KLK12: variants seen among roughly 807,000 people sequenced by gnomAD.
KLK12 encodes kallikrein related peptidase 12.
In KLK12, 23 loss-of-function variants were observed where a neutral mutation model predicts 20.0. That is an observed-to-expected ratio of 1.15 (90% confidence interval 0.83 to 1.63). The LOEUF (loss-of-function observed/expected upper bound fraction) is 1.63, where lower values mean the gene tolerates loss of function less well. Among genes scored for constraint, KLK12 ranks in the 40% most tolerant of loss-of-function variants. The pLI is 0.00. For missense variants in KLK12, 351 were observed against 338.6 expected, an observed-to-expected ratio of 1.04 and a Z score of -0.29; for synonymous variants, 147 against 141.9, an observed-to-expected ratio of 1.04 and a Z score of -0.25.
intron 3 of KLK12, 51 bp from the exon 4 acceptor site, chr19:51,032,186 G>C: frequency 6.6e-7 from 1 of 1,508,366 alleles, no homozygotes. Context: ...CCCCCACCTT[G>C]CACCCCTCCA....
In KLK12 at chr19:51,030,872, A is replaced by G. The variant is rs773089754; in HGVS notation, c.507T>C (p.His169=). The change falls in exon 5 of 6, where the codon CAT becomes CAC. Residue 169 remains histidine (H), a synonymous_variant. Coordinates refer to ENST00000684732, the MANE Select transcript of KLK12 (RefSeq NM_001370125.1). ...LQCLNLSIVS[H]ATCHGVYPGR... is the part of the protein sequence containing the mutation. The stretch of plus-strand genomic sequence containing the variant: ...CGGGATACACACCATGGCAGGTGGC[A>G]TGGGAGACGATGGAGAGGTTGAGGC... The G allele has an allele frequency of 6.2e-6, 10 of 1,614,172 alleles. No individual in the cohort carries two copies. The Admixed American group carries it at 8.3e-5, about 13-fold the overall frequency.
rs140418323 is a variant in KLK12 at position 51,032,012 on chromosome 19, G to T, written c.321C>A (p.His107Gln). 7 of 1,612,390 alleles carry T rather than the reference G, an allele frequency of 4.3e-6. No homozygotes were observed. In the South Asian group the frequency reaches 4.4e-5, roughly 10 times the overall value. ...GYLGASTSHEHDLRLLRLRLP... is the reference protein window; with the variant it reads ...GYLGASTSHEQDLRLLRLRLP... ...GGCGCAGCCGCAGCAGCCGGAGGTC[G>T]TGCTCGTGGCTCGTCGAGGCTCCCA... Residue 107 changes from histidine to glutamine, a missense_variant, in exon 4 of 6, where the codon CAC becomes CAA. Transcript: ENST00000684732.
intron 5 of KLK12, 139 bp from the exon 6 acceptor site, chr19:51,029,596 G>C: frequency 1.4e-6 from 1 of 712,186 alleles, no homozygotes; most frequent in Non-Finnish European, 2.5e-6. Context: ...TCACTTTCCC[G>C]GAGGACAATG....
In KLK12 at chr19:51,034,862, G is replaced by A. The variant is rs910901603; in HGVS notation, c.-76C>T. The A allele has an allele frequency of 1.5e-5, 21 of 1,396,944 alleles. No homozygotes were observed. The East Asian group carries it at 1.9e-4, about 13-fold the overall frequency. 86.5% of individuals were successfully genotyped at this position (1,396,944 alleles called of 1,614,324 possible). A position where few individuals can be genotyped will look rare whatever the true frequency, so the allele number is the denominator to read the frequency against. On this transcript the variant is annotated 5_prime_UTR_variant, in exon 1 of 6. It adds an upstream start codon to the 5' untranslated region. Transcript: ENST00000684732. ...GGCTGTCACTGTTTGGCCTGTCCTC[G>A]TCGCTGCTATCTCTCCGTCCACCTA...
chr19:51,031,955 G>C lies in KLK12; in HGVS notation c.378C>G (p.Pro126=), dbSNP rs1385898674. ...LPVRVTSSVQ[P]LPLPNDCATA... ...TTGCACAGTCATTGGGCAGGGGCAG[G>C]GGTTGAACGCTGCTGGTTACGCGGA... is the stretch of plus-strand genomic sequence containing the variant. The change falls in exon 4 of 6, where the codon CCC becomes CCG. Residue 126 remains proline (P), a synonymous_variant. Transcript: ENST00000684732. The C allele has an allele frequency of 6.2e-7, 1 of 1,613,468 alleles. No homozygotes were observed. Among genetic ancestry groups the C allele is most frequent in the Non-Finnish European group, 8.5e-7 (1 of 1,179,746 alleles).
At position 51,031,975 on chromosome 19, in the gene KLK12, C is replaced by T. The variant is rs536314122; in HGVS notation, c.358G>A (p.Val120Ile). 1.0e-4 allele frequency: 168 copies of T among 1,613,194 alleles called. 1 individual carries two copies. The South Asian group carries it at 1.7e-3, about 16-fold the overall frequency. Residue 120 changes from valine (V) to isoleucine (I), a missense_variant, in exon 4 of 6, where the codon GTA becomes ATA. By Grantham distance (29) the Val-to-Ile change is conservative. Coordinates refer to ENST00000684732, the MANE Select transcript of KLK12 (RefSeq NM_001370125.1). ...RLLRLRLPVR[V>I]TSSVQPLPLP... ...GGCAGGGGTTGAACGCTGCTGGTTACGCGGACGGGCAGGCGCAGCCGCAGC... is the reference window on the plus strand; with the variant it reads ...GGCAGGGGTTGAACGCTGCTGGTTATGCGGACGGGCAGGCGCAGCCGCAGC...
chr19:51,032,150 G>A lies in KLK12; in HGVS notation c.198-15C>T, dbSNP rs763020336. ...CCCAGTACCTGCTGCCGGTGGCGAC[G>A]GCTGAGCGGGTGGCAGGCACGCAGT... On this transcript the variant is annotated splice_polypyrimidine_tract_variant and intron_variant, in intron 3 of 5. Transcript: ENST00000684732. 186 of 1,588,642 alleles carry A rather than the reference G, an allele frequency of 1.2e-4. 1 individual carries two copies. Among genetic ancestry groups the A allele is most frequent in the Non-Finnish European group, 1.0e-4 (118 of 1,173,552 alleles).
rs200566934 is a variant in KLK12, at chr19:51,029,428, C to G, written c.621G>C (p.Gly207=). 1.9e-6 allele frequency: 3 copies of G among 1,613,506 alleles called. No individual in the cohort carries two copies. Among genetic ancestry groups the G allele is most frequent in the East Asian group, 2.2e-5 (1 of 44,878 alleles). ...AGGACACCAGACCTTGAAGGACTCC[C>G]CCACACACCAGGGGGCCCCCAGAAT... ...QGDSGGPLVC[G]GVLQGLVSWG... The change falls in exon 6 of 6, where the codon GGG becomes GGC. Residue 207 remains glycine (G), a synonymous_variant. Transcript: ENST00000684732.
At chr19:51,030,279 A>T (rs2091542358) in intron 5 of KLK12, among the ~76,000 whole-genome samples, 3 of 133,884 alleles carry the variant, frequency 2.2e-5, no homozygotes, top group African/African-American at 8.5e-5. Flanking sequence ...CCTCCCTTTT[A>T]CTCCCTGTCT....
rs1004626784 is a variant in KLK12 at position 51,034,967 on chromosome 19, G to A, written c.-181C>T. On this transcript the variant is annotated 5_prime_UTR_variant, in exon 1 of 6. Coordinates refer to ENST00000684732, the MANE Select transcript of KLK12 (RefSeq NM_001370125.1). ...ACCTGGCTCCTCAGCCACCTGTCAT[G>A]TTGCTCAACCGGTCCCTTTCCTTCC... is the stretch of plus-strand genomic sequence containing the variant. 1.7e-6 allele frequency: 2 copies of A among 1,201,530 alleles called. No homozygotes were observed. Among genetic ancestry groups the A allele is most frequent in the African/African-American group, 1.6e-5 (1 of 64,322 alleles). 74.4% of individuals were successfully genotyped at this position (1,201,530 alleles called of 1,614,324 possible). A position where few individuals can be genotyped will look rare whatever the true frequency, so the allele number is the denominator to read the frequency against.
intron 5 of KLK12, chr19:51,029,932 C>A (rs1221339027): frequency 5.6e-6 from 1 of 179,116 alleles, no homozygotes; most frequent in Non-Finnish European, 1.2e-5. Flanking sequence ...GGGGTTCTGA[C>A]CAATGAGGGG....
intron 2 of KLK12, 113 bp from the exon 3 acceptor site, chr19:51,034,252 G>A (rs2091590094): frequency 1.2e-5 from 14 of 1,176,754 alleles, no homozygotes; most frequent in Admixed American, 4.1e-5. Context: ...AAAGAGAGAC[G>A]AGAAAGAGAG....
At chr19:51,033,119 G>A (rs1289670069) in intron 3 of KLK12, among the ~76,000 whole-genome samples, 1 of 151,612 alleles carries the variant, frequency 6.6e-6, no homozygotes, top group Non-Finnish European at 1.5e-5. Flanking sequence ...GGGAGGCTGA[G>A]GTGTGAGGAT....
chr19:51,034,642 T>A lies in KLK12; in HGVS notation c.-19-2A>T. ...CCCATGGTGGGTCACTTCCAAAGTC[T>A]GGGGGAAAAGGGGAATCTCAGAGGT... is the stretch of plus-strand genomic sequence containing the variant. On this transcript the variant is annotated splice_acceptor_variant, in intron 1 of 5. Coordinates refer to ENST00000684732, the MANE Select transcript of KLK12 (RefSeq NM_001370125.1). LOFTEE classifies it low-confidence loss of function (5UTR_SPLICE). 1 of 1,592,700 alleles carries A rather than the reference T, an allele frequency of 6.3e-7. No homozygotes were observed. Among genetic ancestry groups the A allele is most frequent in the Non-Finnish European group, 8.5e-7 (1 of 1,173,114 alleles).
At chr19:51,033,057 A>T (rs943664029) in intron 3 of KLK12, among the ~76,000 whole-genome samples, 1 of 149,876 alleles carries the variant, frequency 6.7e-6, no homozygotes, top group East Asian at 2.0e-4. Flanking sequence ...CTACAAAAAA[A>T]ATTTAAAAAT....
At position 51,031,644 on chromosome 19, in the gene KLK12, A is replaced by ACTCTGAC. The variant is rs367616422; in HGVS notation, c.457+225_457+231dup. Reference sequence around the variant, plus strand: ...GCTCCAGTGTGATGACCTCTGACACACTCTGACCTCTGACCTCTGATCCCT... The same window carrying ACTCTGAC: ...GCTCCAGTGTGATGACCTCTGACACACTCTGACCTCTGACCTCTGACCTCTGATCCCT... On this transcript the variant is annotated intron_variant, in intron 4 of 5. Coordinates refer to ENST00000684732, the MANE Select transcript of KLK12 (RefSeq NM_001370125.1). The ACTCTGAC allele has an allele frequency of 2.8e-3, 1,607 of 568,828 alleles. 38 individuals are homozygous for ACTCTGAC. Among genetic ancestry groups the ACTCTGAC allele is most frequent in the South Asian group, 0.028 (1,482 of 52,582 alleles). The allele number at this position is 568,828 out of a possible 1,614,324, so 35.2% of individuals were successfully genotyped here. A position where few individuals can be genotyped will look rare whatever the true frequency, so the allele number is the denominator to read the frequency against.
Position 51,030,768 on chromosome 19 carries a change from C to G in KLK12, c.591+20G>C, listed in dbSNP as rs746391917. On this transcript the variant is annotated intron_variant, in intron 5 of 5. Coordinates refer to ENST00000684732, the MANE Select transcript of KLK12 (RefSeq NM_001370125.1). ...CACTTCCTGTCCTGGTGACCACGCACGCTGCCTGCACTGGCTCACCTGGCA... is the reference window on the plus strand; with the variant it reads ...CACTTCCTGTCCTGGTGACCACGCAGGCTGCCTGCACTGGCTCACCTGGCA... 9 of 1,612,698 alleles carry G rather than the reference C, an allele frequency of 5.6e-6. No individual in the cohort carries two copies. Among genetic ancestry groups the G allele is most frequent in the Non-Finnish European group, 6.8e-6 (8 of 1,179,984 alleles).
Position 51,034,587 on chromosome 19 carries a change from A to G in KLK12, c.35T>C (p.Leu12Pro). 6.2e-7 allele frequency: 1 copy of G among 1,611,534 alleles called. No homozygotes were observed. The change falls in exon 2 of 6, where the codon CTT becomes CCT. Residue 12 changes from leucine (L) to proline (P), a missense_variant and splice_region_variant. Leu to Pro is a moderately conservative substitution (Grantham distance 98). Transcript: ENST00000684732. ...CTCCCTGCTCCGGGAGAACTCACCAAGAACACACAGGAGCAAAAAGATGCT... is the reference window on the plus strand; with the variant it reads ...CTCCCTGCTCCGGGAGAACTCACCAGGAACACACAGGAGCAAAAAGATGCT... ...GLSIFLLLCV[L>P]GLSQAATPKI...
intron 3 of KLK12, among the ~76,000 whole-genome samples, chr19:51,032,381 CTTTTTTTTTT>C (rs869282785): frequency 1.1e-4 from 13 of 115,286 alleles, no homozygotes; most frequent in African/African-American, 4.6e-4. Flanking sequence ...TCTCTCTCTC[CTTTTTTTTTT>C]TTTTTTTTTT....
Sources: gnomAD v4.1 joint callset for allele counts (sites outside exome capture counted in the v4.1 genomes callset) on GRCh38, gnomAD v4.1.1 for gene constraint, MANE v1.5 for transcripts, NCBI Gene and HGNC (gene_info 2026-07-23, HGNC 2026-07-21) for gene names.